The following TIMELESS variants were observed in gnomAD, a reference collection of about 807,000 sequenced individuals.
The protein encoded by TIMELESS is protein timeless homolog.
Under a neutral mutation model 164.3 loss-of-function variants are expected in TIMELESS, and 124 were observed. That is an observed-to-expected ratio of 0.75 (90% CI 0.65 to 0.88). The LOEUF is 0.88. TIMELESS is among the 40% of genes least tolerant of loss of function. The probability of loss-of-function intolerance (pLI) is 0.00; values close to 1 mark genes in which losing one functional copy is unlikely to be tolerated. For missense variants in TIMELESS, 1,422 were observed against 1,491.4 expected (o/e 0.95, Z 0.77); for synonymous variants, 564 against 563.4 (o/e 1.00, Z -0.02).
Position 56,420,688 on chromosome 12 carries a change from C to G in TIMELESS, c.3110-1G>C, listed in dbSNP as rs1473537333. The G allele has an allele frequency of 6.2e-7, 1 of 1,614,132 alleles. No individual in the cohort carries two copies. The highest frequency in any genetic ancestry group is 1.7e-5 in the Admixed American group (1 of 60,018). On this transcript the variant is annotated splice_acceptor_variant, in intron 25 of 28. Coordinates refer to ENST00000553532, the MANE Select transcript of TIMELESS (RefSeq NM_003920.5). LOFTEE classifies it high-confidence loss of function. The stretch of plus-strand genomic sequence containing the variant: ...ACCAATGGAACGGCCTGGGAGCAGC[C>G]TAAGACAGGGTCAATAGTCATATGG...
Position 56,418,205 on chromosome 12 carries a change from T to G in TIMELESS, c.3383A>C (p.Glu1128Ala). ...GGCCCTCAGGGCTTGTGCTCGGTGC[T>G]CTTTACAGTGCTCCTCATCAGAGCC... ...EQGSDEEHCK[E>A]HRAQALRALL... The change falls in exon 27 of 29, where the codon GAG becomes GCG. Residue 1128 changes from glutamate (E) to alanine (A), a missense_variant. By Grantham distance (107) the Glu-to-Ala change is moderately radical. Coordinates refer to ENST00000553532, the MANE Select transcript of TIMELESS (RefSeq NM_003920.5). The G allele has an allele frequency of 6.2e-7, 1 of 1,614,226 alleles. No individual in the cohort carries two copies. The highest frequency in any genetic ancestry group is 8.5e-7 in the Non-Finnish European group (1 of 1,180,040).
intron 1 of TIMELESS, among the ~76,000 whole-genome samples, chr12:56,442,746 G>A (rs1254190369): frequency 6.6e-6 from 1 of 152,186 alleles, no homozygotes; most frequent in Non-Finnish European, 1.5e-5. Flanking sequence ...GTTGCGGGAA[G>A]TCAGGGACCC....
At chr12:56,423,110 T>C (rs766877061) in intron 18 of TIMELESS, 118 bp from the exon 19 acceptor site, 22 of 1,427,090 alleles carry the variant, frequency 1.5e-5, no homozygotes, top group Non-Finnish European at 2.0e-5. Flanking sequence ...CACTCTCTTC[T>C]GTCCTTCTCC....
intron 1 of TIMELESS, among the ~76,000 whole-genome samples, chr12:56,436,775 GTTC>G (rs1324816393): frequency 6.6e-6 from 1 of 152,068 alleles, no homozygotes; most frequent in Non-Finnish European, 1.5e-5. Flanking sequence ...ATATATTAGT[GTTC>G]TTCTAGCATT....
Position 56,423,690 on chromosome 12 carries a change from C to T in TIMELESS, c.1984G>A (p.Glu662Lys), listed in dbSNP as rs889523642. The change falls in exon 17 of 29, where the codon GAA (glutamate) becomes AAA (lysine). Residue 662 changes from glutamate to lysine, a missense_variant. By Grantham distance (56) the Glu-to-Lys change is moderately conservative (BLOSUM62 1). Transcript: ENST00000553532. ...APLPRQQGPE[E>K]RGAEEEEEEE... ...TCTTCTTCTTCCTCTGCCCCACGTT[C>T]CTCTGGGCCCTGCTGCCCTATAGAC... 1.2e-5 allele frequency: 20 copies of T among 1,613,942 alleles called. No individual in the cohort carries two copies. The African/African-American group carries it at 2.4e-4, about 19-fold the overall frequency.
chr12:56,438,203 A>G (rs1882132963), intron 1 of TIMELESS, among the ~76,000 whole-genome samples: 1 of 151,902 alleles, frequency 6.6e-6, no homozygotes. Flanking sequence ...GCACCACAAC[A>G]CCCAGCTAAT....
chr12:56,434,727 ACT>A (rs1046596977), intron 1 of TIMELESS, among the ~76,000 whole-genome samples: 1 of 151,420 alleles, frequency 6.6e-6, no homozygotes, highest in African/African-American at 2.4e-5. Context: ...ACAGAGCGAG[ACT>A]CTGTCTCAAA....
intron 1 of TIMELESS, among the ~76,000 whole-genome samples, chr12:56,446,346 T>C (rs1419360527): frequency 6.6e-6 from 1 of 152,216 alleles, no homozygotes; most frequent in East Asian, 1.9e-4. Flanking sequence ...ATATTTGTCT[T>C]TCCCTTTGGT....
chr12:56,437,626 A>C (rs1353093865), intron 1 of TIMELESS, among the ~76,000 whole-genome samples: 2 of 152,290 alleles, frequency 1.3e-5, no homozygotes, highest in Admixed American at 6.5e-5. Flanking sequence ...GGTGAGCAAG[A>C]AGCAAGATAA....
At position 56,417,567 on chromosome 12, in the gene TIMELESS, G is replaced by GT; in HGVS notation, c.*148dup. 1.4e-6 allele frequency: 1 copy of GT among 723,142 alleles called. No homozygotes were observed. The highest frequency in any genetic ancestry group is 2.3e-6 in the Non-Finnish European group (1 of 432,234). 44.8% of individuals were successfully genotyped at this position (723,142 alleles called of 1,614,324 possible). On this transcript the variant is annotated 3_prime_UTR_variant, in exon 29 of 29. Coordinates refer to ENST00000553532, the MANE Select transcript of TIMELESS (RefSeq NM_003920.5). Reference sequence around the variant, plus strand: ...AGAGAAGTCCAATACTGCTGCTGAAGTTTCTCAGCCTAAATCCGTGAAAGA... The same window carrying GT: ...AGAGAAGTCCAATACTGCTGCTGAAGTTTTCTCAGCCTAAATCCGTGAAAGA...
At chr12:56,421,837 G>C (rs1881502278) in intron 21 of TIMELESS, 28 bp from the exon 22 acceptor site, 1 of 1,613,644 alleles carries the variant, frequency 6.2e-7, no homozygotes, top group Non-Finnish European at 8.5e-7. Context: ...AGTGGAAGAG[G>C]AAGCCCAGGA....
chr12:56,444,616 G>A (rs996763603), intron 1 of TIMELESS, among the ~76,000 whole-genome samples: 12 of 151,718 alleles, frequency 7.9e-5, no homozygotes, highest in Admixed American at 3.9e-4. Context: ...GTGCGATCTC[G>A]GCTCACTGCA....
chr12:56,434,156 C>T lies in TIMELESS; in HGVS notation c.15G>A (p.Met5Ile), dbSNP rs931506253. 1 of 1,614,134 alleles carries T rather than the reference C, an allele frequency of 6.2e-7. No individual in the cohort carries two copies. The highest frequency in any genetic ancestry group is 8.5e-7 in the Non-Finnish European group (1 of 1,179,992). Residue 5 changes from methionine to isoleucine, a missense_variant, in exon 2 of 29, where the codon ATG (methionine) becomes ATA (isoleucine). By Grantham distance (10) the Met-to-Ile change is conservative. Transcript: ENST00000553532. Reference protein sequence around the residue: MDLHMMNCELLATCS... With the variant: MDLHIMNCELLATCS... ...ATGTGGCTAGAAGTTCACAGTTCAT[C>T]ATGTGCAAGTCCATACATCAGTGGA...
chr12:56,449,083 C>A (rs994820788), intron 1 of TIMELESS, among the ~76,000 whole-genome samples: 1 of 152,240 alleles, frequency 6.6e-6, no homozygotes, highest in African/African-American at 2.4e-5. Context: ...CCAAGCTGTG[C>A]GGAGCAGCGT....
At chr12:56,449,260 G>C (rs146324940) in intron 1 of TIMELESS, 50 bp downstream of exon 1, 2 of 152,442 alleles carry the variant, frequency 1.3e-5, no homozygotes, top group African/African-American at 4.8e-5. Flanking sequence ...CCATAGCTTC[G>C]AAAGGATCCC....
chr12:56,421,608 A>C (rs1188415330), intron 22 of TIMELESS, 115 bp from the exon 23 acceptor site: 2 of 1,502,192 alleles, frequency 1.3e-6, no homozygotes, highest in African/African-American at 2.8e-5. Context: ...ACACTTACAA[A>C]TATAGTAAGT....
rs559173193 is a variant in TIMELESS, at chr12:56,428,246, A to G, written c.1568T>C (p.Leu523Pro). Residue 523 changes from leucine (L) to proline (P), a missense_variant, in exon 13 of 29, where the codon CTG becomes CCG. Transcript: ENST00000553532. ...LERFCRSRGN[L>P]VVQNKQKKRR... is the part of the protein sequence containing the mutation. ...GGGGCTGCCCAGTACCTGCACCACC[A>G]GGTTCCCACGGCTCCGACAGAATCG... The G allele has an allele frequency of 1.9e-6, 3 of 1,601,410 alleles. No individual in the cohort carries two copies. Among genetic ancestry groups the G allele is most frequent in the East Asian group, 2.2e-5 (1 of 44,644 alleles).
chr12:56,431,281 GA>G (rs1881869266), intron 8 of TIMELESS, among the ~76,000 whole-genome samples, 189 bp downstream of exon 8: 1 of 150,952 alleles, frequency 6.6e-6, no homozygotes, highest in Non-Finnish European at 1.5e-5. Context: ...TTGAACCCAG[GA>G]GACAGAGGTT....
intron 1 of TIMELESS, among the ~76,000 whole-genome samples, chr12:56,446,468 T>C (rs1036418100): frequency 5.9e-5 from 9 of 152,066 alleles, no homozygotes; most frequent in Middle Eastern, 3.2e-3. Flanking sequence ...TGTTTACCTC[T>C]CACGCTTCTC....
Sources: gnomAD v4.1 joint callset for allele counts (sites outside exome capture counted in the v4.1 genomes callset) on GRCh38, gnomAD v4.1.1 for gene constraint, MANE v1.5 for transcripts, NCBI Gene and HGNC (gene_info 2026-07-23, HGNC 2026-07-21) for gene names.